The following GRIN2A variants were observed in gnomAD, a reference collection of about 807,000 sequenced individuals.
The protein encoded by GRIN2A is glutamate ionotropic receptor NMDA type subunit 2A, also known as glutamate receptor ionotropic, NMDA 2A.
GRIN2A carries 22 observed loss-of-function variants against 113.4 expected under a neutral mutation model. The ratio of observed to expected loss-of-function variants is 0.19; its 90% CI spans 0.14 to 0.28. The LOEUF is 0.28. Ranked by LOEUF, GRIN2A falls within the 10% of genes least tolerant of loss-of-function variation. The pLI is 1.00. For synonymous variants in GRIN2A, 827 were observed against 738.4 expected, an observed-to-expected ratio of 1.12 and a Z score of -1.94; for missense variants, 1,502 against 1,887.0, an observed-to-expected ratio of 0.80 and a Z score of 3.78.
chr16:10,067,200 T>A (rs1001345003), intron 2 of GRIN2A, among the ~76,000 whole-genome samples: 4 of 152,364 alleles, frequency 2.6e-5, no homozygotes, highest in African/African-American at 9.6e-5. Context: ...GGGCTTTTTC[T>A]GAAGCCGTTT....
chr16:9,811,029 A>G (rs761242026), intron 10 of GRIN2A, among the ~76,000 whole-genome samples: 66 of 152,154 alleles, frequency 4.3e-4, no homozygotes, highest in South Asian at 1.4e-3. Flanking sequence ...TCCCTGCAGC[A>G]AGAGAACACA....
intron 2 of GRIN2A, among the ~76,000 whole-genome samples, chr16:9,984,014 C>T (rs4782149): frequency 3.3e-4 from 50 of 152,146 alleles, no homozygotes; most frequent in Admixed American, 2.6e-3. Flanking sequence ...AAATTCCCAC[C>T]AGCAATGTAT....
chr16:10,002,194 A>T (rs1423879475), intron 2 of GRIN2A, among the ~76,000 whole-genome samples: 1 of 152,252 alleles, frequency 6.6e-6, no homozygotes, highest in Non-Finnish European at 1.5e-5. Flanking sequence ...ACAAGGTACA[A>T]GATGAGGAGG....
At chr16:10,044,169 C>T (rs2047220746) in intron 2 of GRIN2A, among the ~76,000 whole-genome samples, 2 of 151,576 alleles carry the variant, frequency 1.3e-5, no homozygotes, top group South Asian at 2.1e-4. Flanking sequence ...AAGCAATTCT[C>T]CCGCCTCCGT....
chr16:10,031,891 C>G (rs1011244167), intron 2 of GRIN2A, among the ~76,000 whole-genome samples: 1 of 152,210 alleles, frequency 6.6e-6, no homozygotes, highest in African/African-American at 2.4e-5. Flanking sequence ...GCTATGATCC[C>G]TCCGGCCACA....
At chr16:9,898,932 T>C (rs1030650361) in intron 3 of GRIN2A, among the ~76,000 whole-genome samples, 1 of 152,060 alleles carries the variant, frequency 6.6e-6, no homozygotes, top group Non-Finnish European at 1.5e-5. Context: ...CATCCCTCTT[T>C]AGTACAACTT....
intron 3 of GRIN2A, among the ~76,000 whole-genome samples, chr16:9,892,247 C>A (rs561292342): frequency 1.3e-4 from 19 of 151,624 alleles, no homozygotes; most frequent in South Asian, 6.2e-4. Flanking sequence ...AACAAACAAA[C>A]AAAAAAAACT....
At chr16:9,951,950 A>T (rs567318424) in intron 2 of GRIN2A, among the ~76,000 whole-genome samples, 1 of 152,230 alleles carries the variant, frequency 6.6e-6, no homozygotes, top group African/African-American at 2.4e-5. Context: ...GGCTCAGAGG[A>T]CAGAGAAGCC....
chr16:10,028,580 C>G (rs966944940), intron 2 of GRIN2A, among the ~76,000 whole-genome samples: 4 of 152,160 alleles, frequency 2.6e-5, no homozygotes, highest in Non-Finnish European at 5.9e-5. Context: ...ATGGCAGAGC[C>G]ACAAGATAGT....
intron 4 of GRIN2A, among the ~76,000 whole-genome samples, chr16:9,879,780 C>A (rs922242038): frequency 6.4e-4 from 97 of 152,174 alleles, no homozygotes; most frequent in African/African-American, 2.3e-3. Flanking sequence ...ATCTGTATTA[C>A]AGTCCTGATA....
chr16:9,825,478 T>C (rs6497524), intron 9 of GRIN2A, among the ~76,000 whole-genome samples: 51,472 of 152,040 alleles, frequency 0.34, 9,779 homozygotes, highest in African/African-American at 0.52. Context: ...ACATGGCAAG[T>C]ATTTGATGAT....
At chr16:10,132,495 A>G (rs1233398990) in intron 2 of GRIN2A, among the ~76,000 whole-genome samples, 1 of 152,192 alleles carries the variant, frequency 6.6e-6, no homozygotes, top group African/African-American at 2.4e-5. Flanking sequence ...CGTCAAATGT[A>G]AAGCCACACA....
At chr16:9,884,624 A>AT (rs1264992431) in intron 4 of GRIN2A, among the ~76,000 whole-genome samples, 6 of 151,382 alleles carry the variant, frequency 4.0e-5, no homozygotes, top group Non-Finnish European at 7.4e-5. Context: ...TTCTCAAAGC[A>AT]TTTTTTTTCA....
intron 4 of GRIN2A, among the ~76,000 whole-genome samples, chr16:9,884,776 G>A (rs181622423): frequency 7.0e-6 from 1 of 143,524 alleles, no homozygotes; most frequent in East Asian, 2.1e-4. Context: ...TTGAGATGGA[G>A]TCTCACTCTG....
At chr16:9,793,939 T>C (rs995449058) in intron 11 of GRIN2A, among the ~76,000 whole-genome samples, 1 of 152,214 alleles carries the variant, frequency 6.6e-6, no homozygotes, top group Non-Finnish European at 1.5e-5. Context: ...TACTGGACTG[T>C]AAGTTCATTG....
chr16:9,938,538 G>A lies in GRIN2A; in HGVS notation c.428C>T (p.Thr143Ile). The A allele has an allele frequency of 6.2e-7, 1 of 1,604,738 alleles. No homozygotes were observed. The highest frequency in any genetic ancestry group is 8.5e-7 in the Non-Finnish European group (1 of 1,179,790). Residue 143 changes from threonine to isoleucine, a missense_variant, in exon 3 of 13, where the codon ACC becomes ATC. Coordinates refer to ENST00000330684, the MANE Select transcript of GRIN2A (RefSeq NM_001134407.3). ...MIMADKDPTSTFFQFGASIQQ... is the reference protein window; with the variant it reads ...MIMADKDPTSIFFQFGASIQQ... ...GATGGACGCTCCAAACTGGAAGAAG[G>A]TAGACGTCGGATCCTGCCAGTGAAA...
chr16:10,063,072 C>T (rs8043864), intron 2 of GRIN2A, among the ~76,000 whole-genome samples: 2 of 151,918 alleles, frequency 1.3e-5, no homozygotes, highest in Admixed American at 6.6e-5. Context: ...TGTTATTTGC[C>T]GCAACATGGA....
At chr16:10,159,820 C>T (rs1432383011) in intron 2 of GRIN2A, among the ~76,000 whole-genome samples, 3 of 152,122 alleles carry the variant, frequency 2.0e-5, no homozygotes, top group Non-Finnish European at 4.4e-5. Context: ...CTCAAAGCTC[C>T]ACATTTTTGC....
At chr16:10,133,515 G>A (rs920226022) in intron 2 of GRIN2A, among the ~76,000 whole-genome samples, 3 of 152,208 alleles carry the variant, frequency 2.0e-5, no homozygotes, top group Admixed American at 6.5e-5. Context: ...GCTGAGGCAC[G>A]AGAAGCGCTT....
Sources: gnomAD v4.1 joint callset for allele counts (sites outside exome capture counted in the v4.1 genomes callset) on GRCh38, gnomAD v4.1.1 for gene constraint, MANE v1.5 for transcripts, NCBI Gene and HGNC (gene_info 2026-07-23, HGNC 2026-07-21) for gene names.